The following CDK5RAP2 variants were observed in gnomAD, a reference collection of about 807,000 sequenced individuals.
CDK5RAP2 encodes CDK5 regulatory subunit-associated protein 2.
In CDK5RAP2, 147 loss-of-function variants were observed where a neutral mutation model predicts 232.9. The observed-to-expected ratio is 0.63, with a 90% confidence interval of 0.55 to 0.72. The LOEUF (loss-of-function observed/expected upper bound fraction) is 0.72, where lower values mean the gene tolerates loss of function less well. Among genes scored for constraint, CDK5RAP2 ranks in the 30% least tolerant of loss-of-function variants. CDK5RAP2 has a pLI of 0.00. For missense variants in CDK5RAP2, 2,195 were observed against 2,231.5 expected, an observed-to-expected ratio of 0.98 and a Z score of 0.33; for synonymous variants, 833 against 833.7, an observed-to-expected ratio of 1.00 and a Z score of 0.01.
chr9:120,545,299 G>C (rs1175754408), intron 5 of CDK5RAP2, among the ~76,000 whole-genome samples: 26 of 152,192 alleles, frequency 1.7e-4, no homozygotes, highest in Admixed American at 1.6e-3. Context: ...GAGGAAAGAA[G>C]CCAGACACAA....
Position 120,539,176 on chromosome 9 carries a change from G to A in CDK5RAP2, c.384-12C>T. ...TCTCAACTGCTTTGCTGCAAAAAGA[G>A]GCACAGGGGTAAAACATGCAAGGGT... is the stretch of plus-strand genomic sequence containing the variant. On this transcript the variant is annotated splice_polypyrimidine_tract_variant and intron_variant, in intron 5 of 37. Transcript: ENST00000349780. 6.2e-7 allele frequency: 1 copy of A among 1,613,764 alleles called. No homozygotes were observed.
chr9:120,489,586 C>A (rs1007206100), intron 13 of CDK5RAP2, among the ~76,000 whole-genome samples: 6 of 152,100 alleles, frequency 3.9e-5, no homozygotes, highest in Admixed American at 1.3e-4. Context: ...ACTTTATCTT[C>A]CAACTTTTCT....
At chr9:120,390,340 T>C (rs948729744) in intron 36 of CDK5RAP2, 1 of 159,908 alleles carries the variant, frequency 6.3e-6, no homozygotes, top group African/African-American at 2.4e-5. Context: ...ACCGTGGGCA[T>C]GCTGCTTCTC....
chr9:120,568,720 G>A (rs1362981538), intron 2 of CDK5RAP2, among the ~76,000 whole-genome samples: 1 of 152,074 alleles, frequency 6.6e-6, no homozygotes. Context: ...ATCTTCTCAC[G>A]TCAGTAATTA....
At position 120,403,333 on chromosome 9, in the gene CDK5RAP2, A is replaced by G; in HGVS notation, c.5042-262T>C. 2.1e-6 allele frequency: 1 copy of G among 485,532 alleles called. No individual in the cohort carries two copies. Among genetic ancestry groups the G allele is most frequent in the Non-Finnish European group, 3.8e-6 (1 of 265,856 alleles). The allele number at this position is 485,532 out of a possible 1,614,324, so 30.1% of individuals were successfully genotyped here. A position where few individuals can be genotyped will look rare whatever the true frequency, so the allele number is the denominator to read the frequency against. ...CCACCCACTCGGCAGAAGACCCCAGATTCACAAGGATGACTCAAGCTGGTG... is the reference window on the plus strand; with the variant it reads ...CCACCCACTCGGCAGAAGACCCCAGGTTCACAAGGATGACTCAAGCTGGTG... On this transcript the variant is annotated intron_variant, in intron 33 of 37. Coordinates refer to ENST00000349780, the MANE Select transcript of CDK5RAP2 (RefSeq NM_018249.6). The surrounding 1 kb of genome is among the most constrained non-coding windows in gnomAD (Gnocchi z 4.2).
At chr9:120,579,327 T>C (rs2043154773) in intron 1 of CDK5RAP2, among the ~76,000 whole-genome samples, 1 of 152,244 alleles carries the variant, frequency 6.6e-6, no homozygotes, top group Non-Finnish European at 1.5e-5. Context: ...ACCCCAACTC[T>C]GTTGGGTGGA....
chr9:120,406,687 G>GA (rs2033466072), intron 32 of CDK5RAP2: 1 of 352,902 alleles, frequency 2.8e-6, no homozygotes, highest in Non-Finnish European at 5.2e-6. Context: ...GGCAGTAAGA[G>GA]AAACTAAAAG....
intron 3 of CDK5RAP2, among the ~76,000 whole-genome samples, chr9:120,558,169 TC>T (rs1738643876): frequency 6.8e-6 from 1 of 147,638 alleles, no homozygotes; most frequent in South Asian, 2.1e-4. Flanking sequence ...GGTCAAGAGA[TC>T]GAGACCATCC....
At chr9:120,518,730 G>T (rs2040480963) in intron 11 of CDK5RAP2, 85 bp from the exon 12 acceptor site, 3 of 1,055,686 alleles carry the variant, frequency 2.8e-6, no homozygotes, top group Admixed American at 3.9e-5. Context: ...TTTTCGCCGT[G>T]GGGGAAAAAA....
intron 6 of CDK5RAP2, among the ~76,000 whole-genome samples, chr9:120,538,134 C>A (rs1162781663): frequency 6.6e-6 from 1 of 152,176 alleles, no homozygotes; most frequent in Non-Finnish European, 1.5e-5. Flanking sequence ...CTAACCCCTC[C>A]AAGCCTGTTT....
chr9:120,414,864 A>G (rs1160792834), intron 28 of CDK5RAP2, among the ~76,000 whole-genome samples, 176 bp downstream of exon 28: 1 of 152,226 alleles, frequency 6.6e-6, no homozygotes, highest in Non-Finnish European at 1.5e-5. Flanking sequence ...CCAGCTTCCA[A>G]AGTTAAATGA....
intron 35 of CDK5RAP2, among the ~76,000 whole-genome samples, chr9:120,399,141 G>A (rs1188361777): frequency 6.6e-6 from 1 of 152,190 alleles, no homozygotes; most frequent in Non-Finnish European, 1.5e-5. Flanking sequence ...GTACTCAGGA[G>A]CACCAACCAC....
chr9:120,511,156 A>C (rs1403448559), intron 12 of CDK5RAP2, among the ~76,000 whole-genome samples: 1 of 152,184 alleles, frequency 6.6e-6, no homozygotes, highest in Admixed American at 6.5e-5. Flanking sequence ...GCCTCCCTAC[A>C]AAATGCTAAA....
intron 26 of CDK5RAP2, among the ~76,000 whole-genome samples, chr9:120,421,068 C>T (rs1265881049): frequency 6.6e-6 from 1 of 152,228 alleles, no homozygotes; most frequent in East Asian, 1.9e-4. Flanking sequence ...TCCCAGCTTA[C>T]CTTCCTTCGA....
chr9:120,490,802 A>G (rs1431028491), intron 13 of CDK5RAP2, among the ~76,000 whole-genome samples: 1 of 151,746 alleles, frequency 6.6e-6, no homozygotes, highest in South Asian at 2.1e-4. Flanking sequence ...TTATTCTTTC[A>G]TTGTTATTTT....
At chr9:120,554,424 T>TTTCAA (rs1186553564) in intron 3 of CDK5RAP2, among the ~76,000 whole-genome samples, 1 of 152,202 alleles carries the variant, frequency 6.6e-6, no homozygotes, top group Non-Finnish European at 1.5e-5. Flanking sequence ...CAAGCTCAGT[T>TTTCAA]TTCAATGGTA....
Position 120,559,873 on chromosome 9 carries a change from C to T in CDK5RAP2, c.195+8448G>A, listed in dbSNP as rs1426807633. ...TTGCAGGAGCTACTAGTCAGTCATT[C>T]TGGGTTCCTCCTACTCCCATTCTCT... On this transcript the variant is annotated intron_variant, in intron 3 of 37. Coordinates refer to ENST00000349780, the MANE Select transcript of CDK5RAP2 (RefSeq NM_018249.6). Among the ~76,000 whole-genome samples the T allele has an allele frequency of 2.0e-5, 3 of 152,310 alleles. No individual in the cohort carries two copies. In the East Asian group the frequency reaches 5.8e-4, roughly 29 times the overall value.
At chr9:120,439,994 G>A (rs2035806484) in intron 23 of CDK5RAP2, 22 bp from the exon 24 acceptor site, 2 of 1,599,606 alleles carry the variant, frequency 1.3e-6, no homozygotes, top group African/African-American at 2.7e-5. Context: ...ATACACTTAT[G>A]TCAGTATCTC....
In CDK5RAP2 at chr9:120,568,480, G is replaced by C. The variant is rs75688196; in HGVS notation, c.128-92C>G. 3.2e-3 allele frequency: 2,872 copies of C among 907,476 alleles called. 33 individuals carry two copies. The highest frequency in any genetic ancestry group is 0.028 in the African/African-American group (1,718 of 61,454). 56.2% of individuals were successfully genotyped at this position (907,476 alleles called of 1,614,324 possible). ...TAGAGCACAGAGAGGAAAACAACAC[G>C]AACTGCTTCCACAGTACACGCGGCT... On this transcript the variant is annotated intron_variant, in intron 2 of 37. Transcript: ENST00000349780.
Sources: allele counts gnomAD v4.1 joint callset (sites outside exome capture counted in the v4.1 genomes callset), GRCh38; gene constraint gnomAD v4.1.1; non-coding constraint Gnocchi (gnomAD v3.1); transcripts MANE v1.5; gene names NCBI Gene and HGNC (gene_info 2026-07-23, HGNC 2026-07-21).